KHDRBS3: variants seen among roughly 807,000 people sequenced by gnomAD.
KHDRBS3 encodes the protein KH RNA binding domain containing, signal transduction associated 3.
Under a neutral mutation model 45.6 loss-of-function variants are expected in KHDRBS3, and 23 were observed. That is an observed-to-expected ratio of 0.50 (90% CI 0.36 to 0.72). KHDRBS3 has a LOEUF of 0.72. Among genes scored for constraint, KHDRBS3 ranks in the 30% least tolerant of loss-of-function variants. The pLI, the probability that KHDRBS3 is intolerant of heterozygous loss-of-function variation, is 0.00. For missense variants in KHDRBS3, 352 were observed against 424.8 expected, an observed-to-expected ratio of 0.83 and a Z score of 1.51; for synonymous variants, 162 against 156.5, an observed-to-expected ratio of 1.04 and a Z score of -0.26.
chr8:135,486,067 G>A (rs1391360448), intron 1 of KHDRBS3, among the ~76,000 whole-genome samples: 4 of 151,934 alleles, frequency 2.6e-5, no homozygotes, highest in Middle Eastern at 3.2e-3. Context: ...CTTTCTGAGA[G>A]TGGCCGTATG....
At chr8:135,559,052 T>C (rs1199931587) in intron 5 of KHDRBS3, among the ~76,000 whole-genome samples, 1 of 152,154 alleles carries the variant, frequency 6.6e-6, no homozygotes, top group African/African-American at 2.4e-5. Flanking sequence ...AGACATGTGA[T>C]TATATTTAGG....
At chr8:135,463,471 A>G (rs976729221) in intron 1 of KHDRBS3, among the ~76,000 whole-genome samples, 8 of 152,178 alleles carry the variant, frequency 5.3e-5, no homozygotes, top group Admixed American at 5.2e-4. Flanking sequence ...GTGGTTGCAC[A>G]GTAGGGATCC....
At chr8:135,523,588 T>C (rs1586658989) in intron 2 of KHDRBS3, among the ~76,000 whole-genome samples, 1 of 152,320 alleles carries the variant, frequency 6.6e-6, no homozygotes, top group East Asian at 1.9e-4. Flanking sequence ...TTTCTATGCA[T>C]CTTATTATTT....
intron 5 of KHDRBS3, among the ~76,000 whole-genome samples, chr8:135,573,461 C>T (rs1289198376): frequency 6.6e-6 from 1 of 152,202 alleles, no homozygotes; most frequent in Non-Finnish European, 1.5e-5. Context: ...AGTCTGTGTA[C>T]TAATTACCAC....
rs77615333 is a variant in KHDRBS3, at chr8:135,471,736, A to G, written c.88+13782A>G. ...GAGTCTCTCTGCTTAGTATTAAACC[A>G]TGGCATCTCTGAGCTCGTAGGGCTC... On this transcript the variant is annotated intron_variant, in intron 1 of 8. Coordinates refer to ENST00000355849, the MANE Select transcript of KHDRBS3 (RefSeq NM_006558.3). Among the ~76,000 whole-genome samples, 767 of 152,246 alleles carry G rather than the reference A, an allele frequency of 5.0e-3. 12 individuals are homozygous for G. The East Asian group carries it at 0.055, about 11-fold the overall frequency.
At chr8:135,493,016 A>G (rs940890539) in intron 1 of KHDRBS3, among the ~76,000 whole-genome samples, 17 of 151,920 alleles carry the variant, frequency 1.1e-4, no homozygotes, top group African/African-American at 4.1e-4. Flanking sequence ...TGTGGTTTTC[A>G]ATGTATAGGT....
intron 7 of KHDRBS3, chr8:135,625,661 G>A (rs531463608): frequency 2.8e-5 from 23 of 827,672 alleles, no homozygotes; most frequent in East Asian, 4.8e-5. Flanking sequence ...AACACTGAAC[G>A]AATTCAAAAT....
intron 1 of KHDRBS3, among the ~76,000 whole-genome samples, chr8:135,478,070 C>G (rs1822383375): frequency 6.6e-6 from 1 of 152,136 alleles, no homozygotes; most frequent in African/African-American, 2.4e-5. Flanking sequence ...TTGCATGCTC[C>G]TTATAAGAAT....
chr8:135,468,701 A>G (rs535021903), intron 1 of KHDRBS3, among the ~76,000 whole-genome samples: 13 of 152,216 alleles, frequency 8.5e-5, no homozygotes, highest in African/African-American at 1.2e-4. Flanking sequence ...CCCAGGCTTT[A>G]TTACCAAACT....
intron 7 of KHDRBS3, among the ~76,000 whole-genome samples, chr8:135,627,098 T>G: frequency 6.6e-6 from 1 of 152,186 alleles, no homozygotes; most frequent in East Asian, 1.9e-4. Context: ...TAGGGACGGG[T>G]TAAACTCTGA....
intron 6 of KHDRBS3, among the ~76,000 whole-genome samples, chr8:135,601,304 G>A (rs1829201357): frequency 6.6e-6 from 1 of 152,160 alleles, no homozygotes; most frequent in Non-Finnish European, 1.5e-5. Flanking sequence ...AAAGGTAGGT[G>A]AAGCAAAAAG....
At chr8:135,472,479 A>G (rs538716715) in intron 1 of KHDRBS3, among the ~76,000 whole-genome samples, 1 of 152,074 alleles carries the variant, frequency 6.6e-6, no homozygotes, top group East Asian at 1.9e-4. Flanking sequence ...CTGAAATGCA[A>G]AAGACAAACT....
At chr8:135,462,241 T>G (rs1393909601) in intron 1 of KHDRBS3, among the ~76,000 whole-genome samples, 5 of 151,806 alleles carry the variant, frequency 3.3e-5, no homozygotes, top group African/African-American at 1.2e-4. Flanking sequence ...TTATCAGTTT[T>G]TTTTTTTTTT....
At chr8:135,475,406 G>C (rs907392534) in intron 1 of KHDRBS3, among the ~76,000 whole-genome samples, 1 of 149,986 alleles carries the variant, frequency 6.7e-6, no homozygotes, top group East Asian at 2.0e-4. Flanking sequence ...CCACCCCCTG[G>C]GTTCAAGCAA....
intron 1 of KHDRBS3, among the ~76,000 whole-genome samples, chr8:135,463,847 TC>T (rs1344486198): frequency 1.3e-5 from 2 of 152,180 alleles, no homozygotes; most frequent in African/African-American, 4.8e-5. Context: ...ACTTATATCT[TC>T]TACCAAAACA....
intron 6 of KHDRBS3, among the ~76,000 whole-genome samples, chr8:135,596,249 A>G (rs1447702079): frequency 6.6e-6 from 1 of 152,216 alleles, no homozygotes; most frequent in Non-Finnish European, 1.5e-5. Flanking sequence ...AACCCTGGTG[A>G]GAAAGACTGC....
Position 135,614,616 on chromosome 8 carries a change from C to G in KHDRBS3, c.890+7579C>G, listed in dbSNP as rs901061744. On this transcript the variant is annotated intron_variant, in intron 7 of 8. Transcript: ENST00000355849. ...CAACAAAAATACTTCTAACACAGTA[C>G]TATGTAGACATCAACAAAAAACAAG... Among the ~76,000 whole-genome samples, 17 of 151,416 alleles carry G rather than the reference C, an allele frequency of 1.1e-4. 2 individuals carry two copies. Among genetic ancestry groups the G allele is most frequent in the African/African-American group, 2.9e-4 (12 of 40,894 alleles).
At chr8:135,519,687 AATT>A (rs1421132492) in intron 1 of KHDRBS3, among the ~76,000 whole-genome samples, 2 of 152,228 alleles carry the variant, frequency 1.3e-5, no homozygotes, top group African/African-American at 4.8e-5. Flanking sequence ...TTGCAAAGAC[AATT>A]ATTAGCAGAT....
chr8:135,646,129 AT>A (rs1000476917), intron 8 of KHDRBS3, among the ~76,000 whole-genome samples: 2 of 150,086 alleles, frequency 1.3e-5, no homozygotes, highest in Admixed American at 1.3e-4. Context: ...CATGTTTTGT[AT>A]CAAAAGAAGA....
Sources: gnomAD v4.1 joint callset for allele counts (sites outside exome capture counted in the v4.1 genomes callset) on GRCh38, gnomAD v4.1.1 for gene constraint, MANE v1.5 for transcripts, NCBI Gene and HGNC (gene_info 2026-07-23, HGNC 2026-07-21) for gene names.